Variants in DGAT2 observed in about 807,000 individuals in gnomAD.
The protein encoded by DGAT2 is acyl-CoA retinol O-fatty-acyltransferase.
Under a neutral mutation model 48.4 loss-of-function variants are expected in DGAT2, and 33 were observed. That is an observed-to-expected ratio of 0.68 (90% CI 0.52 to 0.91). The LOEUF (loss-of-function observed/expected upper bound fraction) is 0.91. Ranked by LOEUF, DGAT2 falls within the 40% of genes least tolerant of loss-of-function variation. The pLI, the probability that DGAT2 is intolerant of heterozygous loss-of-function variation, is 0.00. For missense variants in DGAT2, 446 were observed against 493.7 expected, an observed-to-expected ratio of 0.90 and a Z score of 0.92; for synonymous variants, 191 against 194.1, an observed-to-expected ratio of 0.98 and a Z score of 0.13.
Position 75,800,438 on chromosome 11 carries a change from T to C in DGAT2, c.1097T>C (p.Leu366Pro). ...TACCACACCATGTACATGGAGGCCC[T>C]GGTGAAGCTCTTCGACAAGCACAAG... is the stretch of plus-strand genomic sequence containing the variant. ...DLYHTMYMEA[L>P]VKLFDKHKTK... is the part of the protein sequence containing the mutation. Residue 366 changes from leucine to proline, a missense_variant, in exon 8 of 8, where the codon CTG (leucine) becomes CCG (proline). Physicochemically the swap from Leu to Pro is moderately conservative, Grantham distance 98 (BLOSUM62 -3). Transcript: ENST00000228027. 6.2e-7 allele frequency: 1 copy of C among 1,614,134 alleles called. No individual in the cohort carries two copies. Among genetic ancestry groups the C allele is most frequent in the Non-Finnish European group, 8.5e-7 (1 of 1,180,016 alleles).
intron 4 of DGAT2, 148 bp from the exon 5 acceptor site, chr11:75,796,180 G>A: frequency 1.4e-6 from 1 of 698,520 alleles, no homozygotes; most frequent in Non-Finnish European, 2.5e-6. Context: ...GGGGATGAGA[G>A]TCTGAGGTAA....
chr11:75,785,926 G>C (rs1475135133), intron 2 of DGAT2, among the ~76,000 whole-genome samples: 1 of 152,214 alleles, frequency 6.6e-6, no homozygotes, highest in Non-Finnish European at 1.5e-5. Flanking sequence ...GATTTTAGCA[G>C]AAACTCAGTG....
rs1482371390 is a variant in DGAT2 at position 75,790,215 on chromosome 11, A to G, written c.278A>G (p.Tyr93Cys). Residue 93 changes from tyrosine to cysteine, a missense_variant, in exon 3 of 8, where the codon TAC (tyrosine) becomes TGC (cysteine). Physicochemically the swap from Tyr to Cys is radical, Grantham distance 194 (BLOSUM62 -2). Coordinates refer to ENST00000228027, the MANE Select transcript of DGAT2 (RefSeq NM_032564.5). The part of the protein sequence containing the change: ...LGVACSAILM[Y>C]IFCTDCWLIA... ...GTGGCCTGCAGTGCCATCCTCATGT[A>G]CATATTCTGCACTGATTGCTGGCTC... 1 of 1,614,126 alleles carries G rather than the reference A, an allele frequency of 6.2e-7. No homozygotes were observed. The highest frequency in any genetic ancestry group is 1.1e-5 in the South Asian group (1 of 91,078).
chr11:75,797,960 G>A (rs968429865), intron 6 of DGAT2, among the ~76,000 whole-genome samples: 2 of 152,224 alleles, frequency 1.3e-5, no homozygotes, highest in Admixed American at 1.3e-4. Flanking sequence ...GGAAGAGGTG[G>A]AAAACAGGCA....
intron 6 of DGAT2, among the ~76,000 whole-genome samples, chr11:75,797,878 G>A (rs972022503): frequency 1.5e-4 from 23 of 152,218 alleles, no homozygotes; most frequent in South Asian, 4.1e-4. Flanking sequence ...AAACAATGGT[G>A]AGTCCAGGGC....
At chr11:75,785,774 T>C (rs1944916144) in intron 2 of DGAT2, among the ~76,000 whole-genome samples, 1 of 152,230 alleles carries the variant, frequency 6.6e-6, no homozygotes, top group South Asian at 2.1e-4. Flanking sequence ...GCAGCTGTCC[T>C]TCAGGCAGGT....
In DGAT2 at chr11:75,797,193, T is replaced by G; in HGVS notation, c.670T>G (p.Leu224Val). ...CPVSRDTIDYLLSKNGSGNAI... is the reference protein window; with the variant it reads ...CPVSRDTIDYVLSKNGSGNAI... ...TGTCAGCCGGGACACCATAGACTAT[T>G]TGCTTTCAAAGAATGGGAGTGGCAA... The change falls in exon 6 of 8, where the codon TTG becomes GTG. Residue 224 changes from leucine (L) to valine (V), a missense_variant. By Grantham distance (32) the Leu-to-Val change is conservative. Transcript: ENST00000228027. The G allele has an allele frequency of 6.4e-7, 1 of 1,550,456 alleles. No individual in the cohort carries two copies. Among genetic ancestry groups the G allele is most frequent in the East Asian group, 2.4e-5 (1 of 40,858 alleles).
chr11:75,769,084 G>C lies in DGAT2; in HGVS notation c.93G>C (p.Ala31=). ...GCCAGCGCTCTCACGGAGGACCTGC[G>C]CTGTCGCGCGAGGGGTCTGGGAGAT... ...DRSQRSHGGP[A]LSREGSGRWG... is the part of the protein sequence containing the mutation. The change falls in exon 1 of 8, where the codon GCG becomes GCC. Residue 31 remains alanine (A), a synonymous_variant. Transcript: ENST00000228027. 1 of 1,574,748 alleles carries C rather than the reference G, an allele frequency of 6.4e-7. No individual in the cohort carries two copies.
At chr11:75,770,714 A>G (rs1224628337) in intron 1 of DGAT2, among the ~76,000 whole-genome samples, 1 of 151,768 alleles carries the variant, frequency 6.6e-6, no homozygotes, top group African/African-American at 2.4e-5. Flanking sequence ...CCTTAGGAGA[A>G]CTTGTACTCT....
rs188238688 is a variant in DGAT2, at chr11:75,790,635, C to A, written c.359-26C>A. On this transcript the variant is annotated intron_variant, in intron 3 of 7. Coordinates refer to ENST00000228027, the MANE Select transcript of DGAT2 (RefSeq NM_032564.5). ...TGCCCAAATGTACCCCCACCCCCAC[C>A]AACTCTGTATTTTATTCCCTGGAAG... The A allele has an allele frequency of 4.3e-6, 7 of 1,612,070 alleles. No individual in the cohort carries two copies. The Admixed American group carries it at 5.0e-5, about 12-fold the overall frequency.
At chr11:75,771,355 C>G (rs879444665) in intron 1 of DGAT2, among the ~76,000 whole-genome samples, 3 of 152,066 alleles carry the variant, frequency 2.0e-5, no homozygotes, top group Non-Finnish European at 4.4e-5. Context: ...GCTCTTCGTT[C>G]AGAAGAGCCC....
chr11:75,797,144 TTCCCTCCCCTCAGGTATCTGCCC>T lies in DGAT2; in HGVS notation c.635-12_645del, dbSNP rs1945064950. On this transcript the variant is annotated splice_acceptor_variant and splice_polypyrimidine_tract_variant and coding_sequence_variant and intron_variant, in exon 6 of 8. Coordinates refer to ENST00000228027, the MANE Select transcript of DGAT2 (RefSeq NM_032564.5). LOFTEE classifies it high-confidence loss of function. Reference sequence around the variant, plus strand: ...ATGGGCAACCCTGACTGTTGCGTCCTTCCCTCCCCTCAGGTATCTGCCCTGTCAGCCGGGACACCATAGACTAT... The same window carrying T: ...ATGGGCAACCCTGACTGTTGCGTCCTTGTCAGCCGGGACACCATAGACTAT... 1 of 1,468,172 alleles carries T rather than the reference TTCCCTCCCCTCAGGTATCTGCCC, an allele frequency of 6.8e-7. No homozygotes were observed. Among genetic ancestry groups the T allele is most frequent in the Admixed American group, 2.3e-5 (1 of 42,936 alleles). 90.9% of individuals were successfully genotyped at this position (1,468,172 alleles called of 1,614,324 possible). A position where few individuals can be genotyped will look rare whatever the true frequency, so the allele number is the denominator to read the frequency against.
intron 1 of DGAT2, among the ~76,000 whole-genome samples, chr11:75,772,259 T>C (rs1944766178): frequency 6.6e-6 from 1 of 152,176 alleles, no homozygotes; most frequent in Non-Finnish European, 1.5e-5. Context: ...GAGCTTTGGC[T>C]GCCAGGTGAA....
chr11:75,778,862 G>A (rs1049269345), intron 1 of DGAT2, among the ~76,000 whole-genome samples: 1 of 148,658 alleles, frequency 6.7e-6, no homozygotes, highest in African/African-American at 2.5e-5. Context: ...AAAATTTAAT[G>A]TTCCCCAAAA....
At chr11:75,786,588 C>T (rs1189206224) in intron 2 of DGAT2, among the ~76,000 whole-genome samples, 3 of 152,212 alleles carry the variant, frequency 2.0e-5, no homozygotes, top group East Asian at 1.9e-4. Flanking sequence ...GCCCAGAAAC[C>T]GGCCCAGCAT....
At chr11:75,785,117 G>A (rs1944908534) in intron 2 of DGAT2, among the ~76,000 whole-genome samples, 1 of 152,178 alleles carries the variant, frequency 6.6e-6, no homozygotes, top group East Asian at 1.9e-4. Flanking sequence ...ACATTTTCCA[G>A]CAGGTATGTT....
In DGAT2 at chr11:75,796,334, A is replaced by G; in HGVS notation, c.436A>G (p.Lys146Glu). Residue 146 changes from lysine (K) to glutamate (E), a missense_variant, in exon 5 of 8, where the codon AAG becomes GAG. Lys to Glu is a moderately conservative substitution (Grantham distance 56). Transcript: ENST00000228027. The stretch of plus-strand genomic sequence containing the variant: ...CCCAAGGTCATCCTTGCAGCTGGTG[A>G]AGACACACAACCTGCTGACCACCAG... ...FRDYFPIQLV[K>E]THNLLTTRNY... 1 of 1,613,648 alleles carries G rather than the reference A, an allele frequency of 6.2e-7. No individual in the cohort carries two copies. The highest frequency in any genetic ancestry group is 1.1e-5 in the South Asian group (1 of 91,058).
At chr11:75,785,242 GT>G in intron 2 of DGAT2, among the ~76,000 whole-genome samples, 1 of 152,318 alleles carries the variant, frequency 6.6e-6, no homozygotes, top group South Asian at 2.1e-4. Context: ...CTCATTTTGA[GT>G]GTGAGGAAAG....
At chr11:75,786,326 G>A (rs915845681) in intron 2 of DGAT2, among the ~76,000 whole-genome samples, 6 of 152,114 alleles carry the variant, frequency 3.9e-5, no homozygotes, top group African/African-American at 1.4e-4. Flanking sequence ...GCCTTACTTG[G>A]GGTCACATGA....
Sources: allele counts gnomAD v4.1 joint callset (sites outside exome capture counted in the v4.1 genomes callset), GRCh38; gene constraint gnomAD v4.1.1; transcripts MANE v1.5; gene names NCBI Gene and HGNC (gene_info 2026-07-23, HGNC 2026-07-21).